Variants in MAPRE2 observed in about 807,000 individuals in gnomAD.
MAPRE2 encodes microtubule associated protein RP/EB family member 2.
MAPRE2 carries 13 observed loss-of-function variants against 43.2 expected under a neutral mutation model. The observed-to-expected ratio is 0.30, with a 90% CI of 0.20 to 0.48. The LOEUF (loss-of-function observed/expected upper bound fraction) is 0.48, where lower values mean the gene tolerates loss of function less well. Among genes scored for constraint, MAPRE2 ranks in the 20% least tolerant of loss-of-function variants. MAPRE2 has a pLI of 0.99. For synonymous variants in MAPRE2, 135 were observed against 148.8 expected, an observed-to-expected ratio of 0.91 and a Z score of 0.68; for missense variants, 161 against 400.2, an observed-to-expected ratio of 0.40 and a Z score of 5.10.
chr18:35,023,535 A>G (rs2097043274), intron 2 of MAPRE2, among the ~76,000 whole-genome samples: 2 of 148,954 alleles, frequency 1.3e-5, no homozygotes, highest in Non-Finnish European at 1.5e-5. Flanking sequence ...ATATATACAT[A>G]TATATATATA....
chr18:35,098,856 G>C (rs141936384), intron 3 of MAPRE2, among the ~76,000 whole-genome samples: 1 of 152,204 alleles, frequency 6.6e-6, no homozygotes, highest in South Asian at 2.1e-4. Context: ...CAGTTGTTAA[G>C]AATGTTGAAG....
intron 5 of MAPRE2, among the ~76,000 whole-genome samples, chr18:35,130,795 G>A (rs773193512): frequency 2.0e-4 from 30 of 152,264 alleles, no homozygotes; most frequent in Non-Finnish European, 3.4e-4. Context: ...TAGCTGCTGC[G>A]CCTGTGGGAC....
chr18:35,052,715 G>A (rs1906007855), intron 1 of MAPRE2, among the ~76,000 whole-genome samples: 1 of 152,008 alleles, frequency 6.6e-6, no homozygotes, highest in African/African-American at 2.4e-5. Flanking sequence ...CACATCCTTG[G>A]CAACACTTAC....
intron 2 of MAPRE2, among the ~76,000 whole-genome samples, chr18:35,072,943 A>G (rs1470911324): frequency 6.6e-6 from 1 of 152,206 alleles, no homozygotes; most frequent in Admixed American, 6.5e-5. Context: ...CGCTAGAAAA[A>G]AAAAAGGAAG....
rs187099820 is a variant in MAPRE2, at chr18:35,020,066, C to G, written c.-8+14513C>G. Among the ~76,000 whole-genome samples, 17 of 152,166 alleles carry G rather than the reference C, an allele frequency of 1.1e-4. No individual in the cohort carries two copies. In the East Asian group the frequency reaches 3.3e-3, roughly 29 times the overall value. ...GTGGATGACACAGATTTTCAGCACC[C>G]CTTACCTCAAATATCATTCTGCTTA... On this transcript the variant is annotated intron_variant, in intron 2 of 7. Coordinates refer to the MAPRE2 transcript ENST00000413393.
chr18:35,107,765 T>A (rs1908976115), intron 4 of MAPRE2, among the ~76,000 whole-genome samples: 1 of 152,124 alleles, frequency 6.6e-6, no homozygotes, highest in Non-Finnish European at 1.5e-5. Context: ...TGCGTTTTTT[T>A]ACTTACCTAA....
At chr18:35,104,501 A>T (rs1331181476) in intron 4 of MAPRE2, among the ~76,000 whole-genome samples, 3 of 151,998 alleles carry the variant, frequency 2.0e-5, no homozygotes, top group Non-Finnish European at 2.9e-5. Context: ...AAGATGGGAG[A>T]CATGTCTGTG....
intron 2 of MAPRE2, among the ~76,000 whole-genome samples, chr18:35,012,091 T>G (rs1415828945): frequency 2.0e-5 from 3 of 152,164 alleles, no homozygotes; most frequent in Non-Finnish European, 4.4e-5. Flanking sequence ...TAGTGCCCAG[T>G]GTCTGGCATG....
chr18:35,043,289 A>C (rs933585394), intron 1 of MAPRE2, among the ~76,000 whole-genome samples: 2 of 152,196 alleles, frequency 1.3e-5, no homozygotes, highest in African/African-American at 2.4e-5. Flanking sequence ...TTTTTGTAGA[A>C]AATAAATTTG....
chr18:35,013,180 G>T (rs8097686), intron 2 of MAPRE2, among the ~76,000 whole-genome samples: 3,418 of 152,180 alleles, frequency 0.022, 126 homozygotes, highest in African/African-American at 0.077. Context: ...AGTTGAGGAG[G>T]AAGGGAGAAA....
chr18:35,083,510 C>T lies in MAPRE2; in HGVS notation c.250+13188C>T, dbSNP rs187124790. Among the ~76,000 whole-genome samples the T allele has an allele frequency of 2.5e-3, 380 of 152,284 alleles. 4 individuals are homozygous for T. The highest frequency in any genetic ancestry group is 2.2e-3 in the Non-Finnish European group (150 of 68,020). On this transcript the variant is annotated intron_variant, in intron 2 of 6. Transcript: ENST00000300249. The stretch of plus-strand genomic sequence containing the variant: ...TCTCAGACTCTAGCCTGTGAGACAT[C>T]GCACTGCCAGTTTCAGTATCAGCCT...
chr18:35,055,348 TATCACCTGGCCTTCTTC>T (rs1435317075), intron 1 of MAPRE2, among the ~76,000 whole-genome samples: 1 of 152,220 alleles, frequency 6.6e-6, no homozygotes, highest in Non-Finnish European at 1.5e-5. Flanking sequence ...TGCCTTTCAT[TATCACCTGGCCTTCTTC>T]ATCTGTGTTT....
At chr18:35,116,206 A>G (rs944035608) in intron 4 of MAPRE2, among the ~76,000 whole-genome samples, 5 of 152,224 alleles carry the variant, frequency 3.3e-5, no homozygotes, top group African/African-American at 1.2e-4. Context: ...GTATAAGTAG[A>G]TGTTAGCCAA....
At chr18:35,066,115 A>G (rs1214818825) in intron 1 of MAPRE2, among the ~76,000 whole-genome samples, 1 of 152,254 alleles carries the variant, frequency 6.6e-6, no homozygotes, top group East Asian at 1.9e-4. Flanking sequence ...CTTACCTTTC[A>G]TAACCATTTA....
At chr18:35,107,278 C>A (rs931604941) in intron 4 of MAPRE2, among the ~76,000 whole-genome samples, 1 of 152,102 alleles carries the variant, frequency 6.6e-6, no homozygotes, top group African/African-American at 2.4e-5. Flanking sequence ...ATAATTAAAT[C>A]CCTAAATGTA....
chr18:35,033,345 A>G (rs1468045630), intron 2 of MAPRE2, among the ~76,000 whole-genome samples: 1 of 151,986 alleles, frequency 6.6e-6, no homozygotes, highest in Non-Finnish European at 1.5e-5. Context: ...TAAATTAGGT[A>G]TTGATGGGAC....
At chr18:35,126,010 G>A (rs796127548) in intron 4 of MAPRE2, among the ~76,000 whole-genome samples, 5 of 152,110 alleles carry the variant, frequency 3.3e-5, no homozygotes, top group South Asian at 4.1e-4. Context: ...TTTGTGAATC[G>A]CTTATTAGTT....
chr18:35,052,248 A>G (rs1438813976), intron 1 of MAPRE2, among the ~76,000 whole-genome samples: 1 of 152,258 alleles, frequency 6.6e-6, no homozygotes, highest in African/African-American at 2.4e-5. Context: ...CTCTGCCCAA[A>G]GCCCCAGGAG....
intron 2 of MAPRE2, among the ~76,000 whole-genome samples, chr18:35,092,205 G>T (rs115645062): frequency 0.015 from 2,235 of 152,296 alleles, 30 homozygotes; most frequent in African/African-American, 0.034. Flanking sequence ...CAAAATTGGG[G>T]ATTACAATTG....
Sources: gnomAD v4.1 joint callset for allele counts (sites outside exome capture counted in the v4.1 genomes callset) on GRCh38, gnomAD v4.1.1 for gene constraint, MANE v1.5 for transcripts, NCBI Gene and HGNC (gene_info 2026-07-23, HGNC 2026-07-21) for gene names.